ROBO2: variants seen among roughly 807,000 people sequenced by gnomAD.
ROBO2 encodes roundabout homolog 2.
ROBO2 carries 53 observed loss-of-function variants against 160.8 expected under a neutral mutation model. The observed-to-expected ratio is 0.33, with a 90% CI of 0.26 to 0.41. The LOEUF (loss-of-function observed/expected upper bound fraction) is 0.41. Among genes scored for constraint, ROBO2 ranks in the 10% least tolerant of loss-of-function variants. ROBO2 has a pLI of 1.00. For missense variants in ROBO2, 1,577 were observed against 1,722.4 expected (o/e 0.92, Z 1.49); for synonymous variants, 664 against 611.7 (o/e 1.09, Z -1.26).
intron 2 of ROBO2, among the ~76,000 whole-genome samples, chr3:76,618,811 A>T (rs1188364549): frequency 6.7e-6 from 1 of 150,166 alleles, no homozygotes. Flanking sequence ...CAGTGTAAAT[A>T]ATGTTTCAAA....
intron 2 of ROBO2, among the ~76,000 whole-genome samples, chr3:76,156,628 C>T (rs935327799): frequency 2.6e-5 from 4 of 152,160 alleles, no homozygotes; most frequent in Non-Finnish European, 5.9e-5. Flanking sequence ...AGCTCAATAA[C>T]AGCCTTAACA....
Position 76,672,515 on chromosome 3 carries a change from A to G in ROBO2, c.110-425499A>G, listed in dbSNP as rs139156969. Among the ~76,000 whole-genome samples, 1,066 of 152,338 alleles carry G rather than the reference A, an allele frequency of 7.0e-3. 5 individuals carry two copies. Among genetic ancestry groups the G allele is most frequent in the Non-Finnish European group, 0.013 (852 of 68,024 alleles). On this transcript the variant is annotated intron_variant, in intron 2 of 26. Coordinates refer to the ROBO2 transcript ENST00000487694. ...CTAATAATACAATATGAGAAGCCCT[A>G]TAATGTTGTACGTATAAAGTATATG...
chr3:76,025,689 G>A (rs560003937), intron 2 of ROBO2, among the ~76,000 whole-genome samples: 1 of 151,708 alleles, frequency 6.6e-6, no homozygotes, highest in African/African-American at 2.4e-5. Flanking sequence ...TGTAAAGAAA[G>A]CCCACATTAA....
At chr3:76,823,206 A>C (rs74772069) in intron 2 of ROBO2, among the ~76,000 whole-genome samples, 288 of 152,216 alleles carry the variant, frequency 1.9e-3, no homozygotes, top group African/African-American at 6.6e-3. Context: ...TATTTGATGG[A>C]TTCCTTGCTT....
At chr3:76,733,165 T>C (rs558753764) in intron 2 of ROBO2, among the ~76,000 whole-genome samples, 2 of 152,304 alleles carry the variant, frequency 1.3e-5, no homozygotes, top group South Asian at 2.1e-4. Flanking sequence ...AAAAAATGTT[T>C]TGTGAATGTT....
At chr3:76,585,145 T>C (rs1457777091) in intron 2 of ROBO2, among the ~76,000 whole-genome samples, 1 of 152,236 alleles carries the variant, frequency 6.6e-6, no homozygotes, top group Admixed American at 6.5e-5. Context: ...ATCACTGGCC[T>C]TGCTGTCTTT....
chr3:77,413,795 A>G (rs2076992318), intron 2 of ROBO2, among the ~76,000 whole-genome samples: 1 of 152,204 alleles, frequency 6.6e-6, no homozygotes, highest in African/African-American at 2.4e-5. Flanking sequence ...GCCACTTACT[A>G]AGATGGAAAG....
intron 2 of ROBO2, among the ~76,000 whole-genome samples, chr3:76,959,459 C>T (rs2079498761): frequency 6.6e-6 from 1 of 152,100 alleles, no homozygotes; most frequent in Non-Finnish European, 1.5e-5. Context: ...TTGTAGAGGG[C>T]CAATTTAGTG....
At chr3:77,528,734 G>A (rs968444613) in intron 6 of ROBO2, among the ~76,000 whole-genome samples, 1 of 151,416 alleles carries the variant, frequency 6.6e-6, no homozygotes, top group Non-Finnish European at 1.5e-5. Flanking sequence ...TAGTTTCTGA[G>A]GCATGACTTC....
chr3:76,585,772 A>C (rs564739658), intron 2 of ROBO2, among the ~76,000 whole-genome samples: 11 of 152,140 alleles, frequency 7.2e-5, no homozygotes, highest in Non-Finnish European at 1.6e-4. Context: ...TGTCCACATG[A>C]GCTTATTGTT....
intron 1 of ROBO2, among the ~76,000 whole-genome samples, chr3:77,046,719 A>G (rs2064706451): frequency 6.6e-6 from 1 of 152,240 alleles, no homozygotes; most frequent in African/African-American, 2.4e-5. Flanking sequence ...CAAGAATTCC[A>G]GGCTCTTGTT....
At chr3:76,972,186 G>A (rs2059603785) in intron 2 of ROBO2, among the ~76,000 whole-genome samples, 1 of 151,988 alleles carries the variant, frequency 6.6e-6, no homozygotes. Context: ...AAATCATGAT[G>A]AGTTTCCAGA....
At chr3:76,866,879 C>T (rs972650223) in intron 2 of ROBO2, among the ~76,000 whole-genome samples, 5 of 152,268 alleles carry the variant, frequency 3.3e-5, no homozygotes, top group African/African-American at 2.4e-5. Flanking sequence ...CACTACCTCC[C>T]AGTCCCCTGG....
At chr3:76,912,959 A>G (rs1166700550) in intron 2 of ROBO2, among the ~76,000 whole-genome samples, 2 of 152,158 alleles carry the variant, frequency 1.3e-5, no homozygotes, top group Non-Finnish European at 2.9e-5. Flanking sequence ...GAGTTTAAAA[A>G]AAAAAATAGG....
intron 2 of ROBO2, among the ~76,000 whole-genome samples, chr3:76,991,227 A>G (rs1239834046): frequency 6.6e-6 from 1 of 152,124 alleles, no homozygotes; most frequent in East Asian, 1.9e-4. Context: ...ATGTATGCAG[A>G]CCCTTATGGA....
At chr3:76,234,888 C>T (rs1704845215) in intron 2 of ROBO2, among the ~76,000 whole-genome samples, 1 of 152,130 alleles carries the variant, frequency 6.6e-6, no homozygotes, top group Admixed American at 6.5e-5. Context: ...TTGAAATCCA[C>T]AGATGAAGGG....
rs1001774603 is a variant in ROBO2, at chr3:77,230,369, C to A, written c.388+132029C>A. ...AAATTGCTGGGATTACAGACGTGAG[C>A]CACCACACCTGGCTTACATAGCTTT... On this transcript the variant is annotated intron_variant, in intron 2 of 25. Coordinates refer to ENST00000461745, the Ensembl canonical transcript of ROBO2. 2.0e-5 allele frequency among the ~76,000 whole-genome samples: 3 copies of A among 152,138 alleles called. No individual in the cohort carries two copies. In the East Asian group the frequency reaches 5.8e-4, roughly 29 times the overall value.
intron 2 of ROBO2, among the ~76,000 whole-genome samples, chr3:76,818,344 GT>G (rs766856035): frequency 6.6e-6 from 1 of 151,080 alleles, no homozygotes; most frequent in East Asian, 2.0e-4. Context: ...GGGATTGTTT[GT>G]TTTTTTTCTT....
At chr3:76,367,968 A>G (rs1400997139) in intron 2 of ROBO2, among the ~76,000 whole-genome samples, 1 of 151,862 alleles carries the variant, frequency 6.6e-6, no homozygotes, top group Non-Finnish European at 1.5e-5. Context: ...CTTAAAAAAC[A>G]TTAATGTTCT....
Sources: allele counts gnomAD v4.1 joint callset (sites outside exome capture counted in the v4.1 genomes callset), GRCh38; gene constraint gnomAD v4.1.1; transcripts MANE v1.5; gene names NCBI Gene and HGNC (gene_info 2026-07-23, HGNC 2026-07-21).